The following UGT1A10 variants were observed in gnomAD, a reference collection of about 807,000 sequenced individuals.
UGT1A10 encodes UDP-glucuronosyltransferase 1A10.
UGT1A10 carries 49 observed loss-of-function variants against 45.8 expected under a neutral mutation model. The ratio of observed to expected loss-of-function variants is 1.07; its 90% CI spans 0.85 to 1.36. UGT1A10 has a LOEUF of 1.36. UGT1A10 is among the 40% of genes most tolerant of loss of function. The probability of loss-of-function intolerance (pLI) is 0.00; values close to 1 mark genes in which losing one functional copy is unlikely to be tolerated. For missense variants in UGT1A10, 745 were observed against 668.6 expected (o/e 1.11, Z -1.26); for synonymous variants, 284 against 249.7 (o/e 1.14, Z -1.29).
chr2:233,714,886 C>A (rs930677023), intron 1 of UGT1A10, among the ~76,000 whole-genome samples: 24 of 134,284 alleles, frequency 1.8e-4, no homozygotes, highest in African/African-American at 6.3e-4. Flanking sequence ...TTAAATTTTT[C>A]TATCTTTTGA....
chr2:233,772,888 G>C lies in UGT1A10; in HGVS notation c.*329G>C. 3.7e-6 allele frequency: 2 copies of C among 534,950 alleles called. No individual in the cohort carries two copies. Among genetic ancestry groups the C allele is most frequent in the Admixed American group, 3.7e-5 (1 of 26,668 alleles). The allele number at this position is 534,950 out of a possible 1,614,324, so 33.1% of individuals were successfully genotyped here. ...CTGTTTGGGAGTGCGGGATTCAAAGGTGGTCCCACGGCTGCCCCTACTGCA... is the reference window on the plus strand; with the variant it reads ...CTGTTTGGGAGTGCGGGATTCAAAGCTGGTCCCACGGCTGCCCCTACTGCA... On this transcript the variant is annotated 3_prime_UTR_variant, in exon 5 of 5. Coordinates refer to ENST00000344644, the MANE Select transcript of UGT1A10 (RefSeq NM_019075.4).
intron 1 of UGT1A10, among the ~76,000 whole-genome samples, chr2:233,652,319 A>T (rs1305699864): frequency 6.6e-6 from 1 of 152,218 alleles, no homozygotes; most frequent in Non-Finnish European, 1.5e-5. Context: ...CTACAGTGTA[A>T]TGAGCACCCA....
chr2:233,656,739 G>A (rs1205030552), intron 1 of UGT1A10, among the ~76,000 whole-genome samples: 1 of 152,114 alleles, frequency 6.6e-6, no homozygotes, highest in Non-Finnish European at 1.5e-5. Context: ...GTCCCGTCGT[G>A]GCTGTGACTC....
chr2:233,675,068 T>C (rs549929668), intron 1 of UGT1A10, among the ~76,000 whole-genome samples: 4 of 152,308 alleles, frequency 2.6e-5, no homozygotes, highest in African/African-American at 9.6e-5. Context: ...GGTGTGTTTG[T>C]GTGCAGTGTC....
intron 1 of UGT1A10, among the ~76,000 whole-genome samples, chr2:233,758,415 C>A (rs917812043): frequency 6.6e-6 from 1 of 152,194 alleles, no homozygotes; most frequent in African/African-American, 2.4e-5. Flanking sequence ...TGTCTATAAT[C>A]TGCAAATGAA....
chr2:233,739,341 C>T (rs1254802049), intron 1 of UGT1A10, among the ~76,000 whole-genome samples: 1 of 152,148 alleles, frequency 6.6e-6, no homozygotes, highest in Non-Finnish European at 1.5e-5. Flanking sequence ...TCCTTCAGAA[C>T]CCAGAAGGGC....
rs61729911 is a variant in UGT1A10 at position 233,743,597 on chromosome 2, T to C, written c.856-23437T>C. 389 of 1,367,326 alleles carry C rather than the reference T, an allele frequency of 2.8e-4. 8 individuals carry two copies. The African/African-American group carries it at 4.3e-3, about 15-fold the overall frequency. 84.7% of individuals were successfully genotyped at this position (1,367,326 alleles called of 1,614,324 possible). A position where few individuals can be genotyped will look rare whatever the true frequency, so the allele number is the denominator to read the frequency against. On this transcript the variant is annotated intron_variant, in intron 1 of 4. Transcript: ENST00000344644. Reference sequence around the variant, plus strand: ...CAAGAGGTCAAAGGAGAATGGGTCCTGGCCGCCGAAGAACTCCCTGAAGAC... The same window carrying C: ...CAAGAGGTCAAAGGAGAATGGGTCCCGGCCGCCGAAGAACTCCCTGAAGAC...
intron 1 of UGT1A10, among the ~76,000 whole-genome samples, chr2:233,662,151 G>A (rs1461742476): frequency 6.6e-6 from 1 of 152,058 alleles, no homozygotes; most frequent in East Asian, 1.9e-4. Context: ...GACTACAAAT[G>A]GTGTCATGTA....
rs766039492 is a variant in UGT1A10, at chr2:233,760,243, T to C, written c.856-6791T>C. The C allele has an allele frequency of 1.9e-6, 3 of 1,608,014 alleles. No homozygotes were observed. In the Admixed American group the frequency reaches 5.0e-5, roughly 27 times the overall value. ...TCGATTGGTTTTTGCCATATATATATATATAAGTAGGAGAGGGCGAACCTC... is the reference window on the plus strand; with the variant it reads ...TCGATTGGTTTTTGCCATATATATACATATAAGTAGGAGAGGGCGAACCTC... On this transcript the variant is annotated intron_variant, in intron 1 of 4. Coordinates refer to ENST00000344644, the MANE Select transcript of UGT1A10 (RefSeq NM_019075.4).
intron 1 of UGT1A10, among the ~76,000 whole-genome samples, chr2:233,696,572 A>G (rs919511146): frequency 2.0e-5 from 3 of 151,960 alleles, no homozygotes; most frequent in Non-Finnish European, 4.4e-5. Context: ...GAGAACAAGA[A>G]TAATTTGACT....
intron 1 of UGT1A10, chr2:233,682,685 A>T: frequency 6.2e-7 from 1 of 1,613,842 alleles, no homozygotes; most frequent in Non-Finnish European, 8.5e-7. Context: ...CCACACATCA[A>T]TTTGGTTGTT....
intron 3 of UGT1A10, 26 bp downstream of exon 3, chr2:233,767,962 G>A: frequency 5.0e-6 from 8 of 1,614,120 alleles, no homozygotes; most frequent in Non-Finnish European, 5.9e-6. Flanking sequence ...TGGATGTATA[G>A]GTCAAACCAG....
chr2:233,752,662 G>T (rs1695027689), intron 1 of UGT1A10: 5 of 152,258 alleles, frequency 3.3e-5, no homozygotes, highest in Admixed American at 2.0e-4. Flanking sequence ...TGAGGAGGAA[G>T]GATCACTTGA....
At chr2:233,693,927 A>G in intron 1 of UGT1A10, 1 of 1,608,872 alleles carries the variant, frequency 6.2e-7, no homozygotes, top group Non-Finnish European at 8.5e-7. Context: ...TCCCTCACTC[A>G]TTTGGCTCCT....
chr2:233,691,197 G>A, intron 1 of UGT1A10: 1 of 985,648 alleles, frequency 1.0e-6, no homozygotes. Context: ...GTGGACCTGA[G>A]CTCTGTTCCC....
intron 1 of UGT1A10, among the ~76,000 whole-genome samples, chr2:233,731,515 A>G (rs1195217483): frequency 5.9e-5 from 9 of 152,018 alleles, no homozygotes; most frequent in Non-Finnish European, 2.9e-5. Flanking sequence ...GTTCCCACCT[A>G]TGAGTGAGAA....
intron 1 of UGT1A10, among the ~76,000 whole-genome samples, chr2:233,682,949 G>A (rs1575430315): frequency 6.6e-6 from 1 of 152,260 alleles, no homozygotes; most frequent in East Asian, 1.9e-4. Context: ...TTGTTGGGTA[G>A]CAAATTGTAT....
At chr2:233,703,689 C>A (rs1367927278) in intron 1 of UGT1A10, among the ~76,000 whole-genome samples, 1 of 152,028 alleles carries the variant, frequency 6.6e-6, no homozygotes, top group Middle Eastern at 3.2e-3. Context: ...TTTTTTTCCA[C>A]CATTTAACTT....
chr2:233,656,990 G>A (rs1467910268), intron 1 of UGT1A10, among the ~76,000 whole-genome samples: 2 of 151,478 alleles, frequency 1.3e-5, no homozygotes, highest in Admixed American at 6.6e-5. Flanking sequence ...CTCCGCCTGC[G>A]TTAGGACCTA....
Sources: gnomAD v4.1 joint callset for allele counts (sites outside exome capture counted in the v4.1 genomes callset) on GRCh38, gnomAD v4.1.1 for gene constraint, MANE v1.5 for transcripts, NCBI Gene and HGNC (gene_info 2026-07-23, HGNC 2026-07-21) for gene names.